CARMIL2: variants seen among roughly 807,000 people sequenced by gnomAD.
The protein encoded by CARMIL2 is capping protein, Arp2/3 and myosin-I linker protein 2.
In CARMIL2, 96 loss-of-function variants were observed where a neutral mutation model predicts 173.3. The ratio of observed to expected loss-of-function variants is 0.55; its 90% CI spans 0.47 to 0.66. The LOEUF is 0.66. Among genes scored for constraint, CARMIL2 ranks in the 30% least tolerant of loss-of-function variants. The pLI is 0.00. For missense variants in CARMIL2, 1,771 were observed against 1,906.7 expected (o/e 0.93, Z 1.33); for synonymous variants, 830 against 817.1 (o/e 1.02, Z -0.27).
chr16:67,655,893 G>A (rs892373979), intron 32 of CARMIL2, 138 bp from the exon 33 acceptor site: 30 of 854,528 alleles, frequency 3.5e-5, no homozygotes, highest in Non-Finnish European at 5.5e-5. Flanking sequence ...AGTTCTAAGA[G>A]GGCTGTACTG....
rs2052649511 is a variant in CARMIL2, at chr16:67,648,658, G to T, written c.1440-27G>T. The T allele has an allele frequency of 1.9e-6, 3 of 1,587,384 alleles. No individual in the cohort carries two copies. Among genetic ancestry groups the T allele is most frequent in the Non-Finnish European group, 2.6e-6 (3 of 1,167,604 alleles). On this transcript the variant is annotated intron_variant, in intron 15 of 37. Coordinates refer to ENST00000334583, the MANE Select transcript of CARMIL2 (RefSeq NM_001013838.3). This position sits in a 1 kb window ranked among gnomAD's most constrained non-coding sequence, Gnocchi z 6.1. ...CCTGGAGCCCCCTGTCCCAGCTCCC[G>T]CCACCCCGTGTAACGTCCTCTCCCA... is the stretch of plus-strand genomic sequence containing the variant.
In CARMIL2 at chr16:67,657,413, C is replaced by T. The variant is rs1314251309; in HGVS notation, c.4203C>T (p.Gly1401=). Residue 1401 remains glycine (G), a synonymous_variant, in exon 38 of 38, where the codon GGC becomes GGT. Transcript: ENST00000334583. This position sits in a 1 kb window ranked among gnomAD's most constrained non-coding sequence, Gnocchi z 4.5. ...EAPPSPSLGS[G]LGTEPLPPQP... ...CCCTCCCTCCCCTCACAGGATCTGG[C>T]CTTGGAACCGAGCCTCTGCCCCCAC... 1 of 1,605,970 alleles carries T rather than the reference C, an allele frequency of 6.2e-7. No individual in the cohort carries two copies. The highest frequency in any genetic ancestry group is 8.5e-7 in the Non-Finnish European group (1 of 1,176,552).
intron 22 of CARMIL2, chr16:67,650,445 T>C: frequency 4.2e-6 from 2 of 476,576 alleles, no homozygotes; most frequent in Non-Finnish European, 3.8e-6. Flanking sequence ...TGTCCTCACA[T>C]ATACGTGACT....
Position 67,657,215 on chromosome 16 carries a change from C to T in CARMIL2, c.4118-24C>T. 6.2e-7 allele frequency: 1 copy of T among 1,610,438 alleles called. No individual in the cohort carries two copies. Among genetic ancestry groups the T allele is most frequent in the Non-Finnish European group, 8.5e-7 (1 of 1,177,816 alleles). ...CAGACCCCAAGCCTTAGCAACCCAC[C>T]CCAAGCCTTTCTGTGTCCCTTAGAA... On this transcript the variant is annotated intron_variant, in intron 36 of 37. Transcript: ENST00000334583. The surrounding 1 kb of genome is among the most constrained non-coding windows in gnomAD (Gnocchi z 4.5).
In CARMIL2 at chr16:67,646,672, GTC is replaced by G. The variant is rs748879909; in HGVS notation, c.467-35_467-34del. ...GGTCTTCCTCCATCGCTGATGTTTT[GTC>G]TCTCTCCTTTTCCACATCGCACCCC... On this transcript the variant is annotated intron_variant, in intron 6 of 37. Coordinates refer to ENST00000334583, the MANE Select transcript of CARMIL2 (RefSeq NM_001013838.3). This position sits in a 1 kb window ranked among gnomAD's most constrained non-coding sequence, Gnocchi z 4.6. 3.7e-6 allele frequency: 6 copies of G among 1,604,468 alleles called. No individual in the cohort carries two copies. The highest frequency in any genetic ancestry group is 1.1e-5 in the South Asian group (1 of 90,906).
In CARMIL2 at chr16:67,653,129, C is replaced by T. The variant is rs1340545344; in HGVS notation, c.2995C>T (p.Pro999Ser). 1.1e-5 allele frequency: 12 copies of T among 1,118,548 alleles called. No individual in the cohort carries two copies. Among genetic ancestry groups the T allele is most frequent in the Non-Finnish European group, 1.3e-5 (12 of 914,532 alleles). 69.3% of individuals were successfully genotyped at this position (1,118,548 alleles called of 1,614,324 possible). ...RGSPSPAAPG[P>S]PAGPLPRMDL... ...CTCTCCGAGCCCTGCCGCCCCTGGG[C>T]CCCCGGCCGGCCCGCTGCCCCGCAT... Residue 999 changes from proline to serine, a missense_variant, in exon 29 of 38, where the codon CCC (proline) becomes TCC (serine). Physicochemically the swap from Pro to Ser is moderately conservative, Grantham distance 74. Around this residue, in one of 3 missense-constraint regions of CARMIL2, gnomAD observed 817 missense variants for 903.5 expected, o/e 0.90. Coordinates refer to ENST00000334583, the MANE Select transcript of CARMIL2 (RefSeq NM_001013838.3). This position sits in a 1 kb window ranked among gnomAD's most constrained non-coding sequence, Gnocchi z 7.4.
In CARMIL2 at chr16:67,648,584, C is replaced by T; in HGVS notation, c.1439+82C>T. 7.1e-7 allele frequency: 1 copy of T among 1,414,770 alleles called. No individual in the cohort carries two copies. The highest frequency in any genetic ancestry group is 1.4e-5 in the African/African-American group (1 of 69,342). 87.6% of individuals were successfully genotyped at this position (1,414,770 alleles called of 1,614,324 possible). On this transcript the variant is annotated intron_variant, in intron 15 of 37. Transcript: ENST00000334583. This position sits in a 1 kb window ranked among gnomAD's most constrained non-coding sequence, Gnocchi z 6.1. Reference sequence around the variant, plus strand: ...CGCCCCTCCCCGCTCCTGCTTCTGTCGCTCCCACAACCTCCCCCAGATCCT... The same window carrying T: ...CGCCCCTCCCCGCTCCTGCTTCTGTTGCTCCCACAACCTCCCCCAGATCCT...
Position 67,648,872 on chromosome 16 carries a change from C to T in CARMIL2, c.1510-21C>T. 6.3e-7 allele frequency: 1 copy of T among 1,595,078 alleles called. No individual in the cohort carries two copies. Among genetic ancestry groups the T allele is most frequent in the Non-Finnish European group, 8.5e-7 (1 of 1,171,456 alleles). Reference sequence around the variant, plus strand: ...CGGCCTAAGTGGGTCCCACTTCCCACCTCCCACCTCCCACATACAGCTGCG... The same window carrying T: ...CGGCCTAAGTGGGTCCCACTTCCCATCTCCCACCTCCCACATACAGCTGCG... On this transcript the variant is annotated intron_variant, in intron 16 of 37. Transcript: ENST00000334583. This position sits in a 1 kb window ranked among gnomAD's most constrained non-coding sequence, Gnocchi z 6.1.
At position 67,656,442 on chromosome 16, in the gene CARMIL2, G is replaced by C; in HGVS notation, c.3833G>C (p.Gly1278Ala). The C allele has an allele frequency of 6.2e-7, 1 of 1,609,436 alleles. No homozygotes were observed. Among genetic ancestry groups the C allele is most frequent in the South Asian group, 1.1e-5 (1 of 90,710 alleles). ...CCTACAGACCCTTCCTGCAGACCTG[G>C]CCCAGGGAGCCAGGGGCCTGAGTCT... ...SVSADPSCRP[G>A]PGSQGPESAT... Residue 1278 changes from glycine to alanine, a missense_variant, in exon 35 of 38, where the codon GGC becomes GCC. This residue lies in a region of CARMIL2 where 817 missense variants were observed against 903.5 expected (regional missense o/e 0.90). Transcript: ENST00000334583.
intron 3 of CARMIL2, 78 bp from the exon 4 acceptor site, chr16:67,645,940 C>T: frequency 6.3e-7 from 1 of 1,593,856 alleles, no homozygotes; most frequent in Non-Finnish European, 8.6e-7. Flanking sequence ...CTGGCTCTGC[C>T]CCAGGCTGCC....
At position 67,647,392 on chromosome 16, in the gene CARMIL2, G is replaced by A; in HGVS notation, c.776+5G>A. 1.3e-6 allele frequency: 2 copies of A among 1,572,916 alleles called. No homozygotes were observed. The highest frequency in any genetic ancestry group is 1.7e-6 in the Non-Finnish European group (2 of 1,159,072). On this transcript the variant is annotated splice_donor_5th_base_variant and intron_variant, in intron 10 of 37. Coordinates refer to ENST00000334583, the MANE Select transcript of CARMIL2 (RefSeq NM_001013838.3). Reference sequence around the variant, plus strand: ...GGAGACCTGCAGCCTGAGGGGGTGAGGGGGACAGGGCAGGGCTTGGAGAGG... The same window carrying A: ...GGAGACCTGCAGCCTGAGGGGGTGAAGGGGACAGGGCAGGGCTTGGAGAGG...
At position 67,656,621 on chromosome 16, in the gene CARMIL2, C is replaced by T. The variant is rs1366298501; in HGVS notation, c.4012C>T (p.Pro1338Ser). Residue 1338 changes from proline (P) to serine (S), a missense_variant, in exon 35 of 38, where the codon CCT becomes TCT. Around this residue, in one of 3 missense-constraint regions of CARMIL2, gnomAD observed 817 missense variants for 903.5 expected, o/e 0.90. Transcript: ENST00000334583. The part of the protein sequence containing the change: ...SPDSLGLPED[P>S]CLGPRNEDGQ... ...AGACAGCCTGGGCCTCCCAGAGGAC[C>T]CTTGCTTGGGCCCCAGAAATGAAGG... The T allele has an allele frequency of 6.3e-7, 1 of 1,598,016 alleles. No homozygotes were observed. Among genetic ancestry groups the T allele is most frequent in the Middle Eastern group, 1.7e-4 (1 of 5,996 alleles).
rs1427222926 is a variant in CARMIL2 at position 67,648,730 on chromosome 16, G to T, written c.1485G>T (p.Leu495=). ...GLALNTHLRD[L]HLDLSACELR... Reference sequence around the variant, plus strand: ...CGCTCAACACGCACCTCCGCGACCTGCACCTGGACCTCAGCGCTTGCGAGG... The same window carrying T: ...CGCTCAACACGCACCTCCGCGACCTTCACCTGGACCTCAGCGCTTGCGAGG... Residue 495 remains leucine, a synonymous_variant, in exon 16 of 38, where the codon CTG becomes CTT. Transcript: ENST00000334583. This position sits in a 1 kb window ranked among gnomAD's most constrained non-coding sequence, Gnocchi z 6.1. The T allele has an allele frequency of 1.2e-6, 2 of 1,607,698 alleles. No homozygotes were observed. The highest frequency in any genetic ancestry group is 1.3e-5 in the African/African-American group (1 of 74,860).
In CARMIL2 at chr16:67,654,709, G is replaced by T. The variant is rs763012048; in HGVS notation, c.3582+17G>T. On this transcript the variant is annotated intron_variant, in intron 31 of 37. Coordinates refer to ENST00000334583, the MANE Select transcript of CARMIL2 (RefSeq NM_001013838.3). ...CCCGACAAGGTGAGGCTTGCTGATG[G>T]GGGGTGGTGAAGGCGCTTCTGGGAC... is the stretch of plus-strand genomic sequence containing the variant. 3.6e-5 allele frequency: 57 copies of T among 1,601,136 alleles called. No individual in the cohort carries two copies. In the South Asian group the frequency reaches 4.9e-4, roughly 14 times the overall value.
At position 67,651,606 on chromosome 16, in the gene CARMIL2, T is replaced by G; in HGVS notation, c.2428-79T>G. On this transcript the variant is annotated intron_variant, in intron 24 of 37. Coordinates refer to ENST00000334583, the MANE Select transcript of CARMIL2 (RefSeq NM_001013838.3). The surrounding 1 kb of genome is among the most constrained non-coding windows in gnomAD (Gnocchi z 4.2). Reference sequence around the variant, plus strand: ...ACTGTGATATCCCCTGACTCAATATTCTGTTGGAGTTGGAGCCTCAAGCCA... The same window carrying G: ...ACTGTGATATCCCCTGACTCAATATGCTGTTGGAGTTGGAGCCTCAAGCCA... The G allele has an allele frequency of 6.4e-7, 1 of 1,570,788 alleles. No homozygotes were observed. The highest frequency in any genetic ancestry group is 1.2e-5 in the South Asian group (1 of 86,190).
chr16:67,648,463 T>A lies in CARMIL2; in HGVS notation c.1400T>A (p.Leu467Gln). 6.9e-6 allele frequency: 10 copies of A among 1,445,160 alleles called. No homozygotes were observed. Among genetic ancestry groups the A allele is most frequent in the Non-Finnish European group, 9.0e-6 (10 of 1,108,414 alleles). 89.5% of individuals were successfully genotyped at this position (1,445,160 alleles called of 1,614,324 possible). The change falls in exon 15 of 38, where the codon CTG (leucine) becomes CAG (glutamine). Residue 467 changes from leucine (L) to glutamine (Q), a missense_variant. Around this residue, in one of 3 missense-constraint regions of CARMIL2, gnomAD observed 944 missense variants for 975.6 expected, o/e 0.97. Coordinates refer to ENST00000334583, the MANE Select transcript of CARMIL2 (RefSeq NM_001013838.3). This position sits in a 1 kb window ranked among gnomAD's most constrained non-coding sequence, Gnocchi z 6.1. ...AGCCGCGCGCGGACGCTGCGGCACCTGGGCCTGGCGGGCTGCAAGCTGCCG... is the reference window on the plus strand; with the variant it reads ...AGCCGCGCGCGGACGCTGCGGCACCAGGGCCTGGCGGGCTGCAAGCTGCCG... ...FLSRARTLRH[L>Q]GLAGCKLPPD...
rs199513999 is a variant in CARMIL2, at chr16:67,645,624, A to G, written c.125A>G (p.His42Arg). Residue 42 changes from histidine to arginine, a missense_variant, in exon 2 of 38, where the codon CAT (histidine) becomes CGT (arginine). His to Arg is a conservative substitution (Grantham distance 29). Transcript: ENST00000334583. The stretch of plus-strand genomic sequence containing the variant: ...CCCGGGGAGGGTGCTGTGCAAAACC[A>G]TGTCCTGGTATGGGGCAGGGGACAG... ...WLPGEGAVQN[H>R]VLALLRWRAY... The G allele has an allele frequency of 9.5e-5, 153 of 1,613,462 alleles. No individual in the cohort carries two copies. Among genetic ancestry groups the G allele is most frequent in the Non-Finnish European group, 1.2e-4 (145 of 1,179,830 alleles).
intron 21 of CARMIL2, 38 bp downstream of exon 21, chr16:67,650,006 G>C: frequency 6.2e-7 from 1 of 1,613,522 alleles, no homozygotes; most frequent in South Asian, 1.1e-5. Flanking sequence ...TCTCTGCACG[G>C]TAACTCCGTC....
At position 67,645,557 on chromosome 16, in the gene CARMIL2, CT is replaced by C; in HGVS notation, c.59del (p.Leu20ArgfsTer10). 1 of 1,607,984 alleles carries C rather than the reference CT, an allele frequency of 6.2e-7. No homozygotes were observed. The highest frequency in any genetic ancestry group is 8.5e-7 in the Non-Finnish European group (1 of 1,177,364). ...TTCCACAGGCGAGATCACCAGGTTC[CT>C]GTGGCCCAAAGAGGTGGAGCTGCTG... ...CELRGEITRF[L>X]WPKEVELLLK... On this transcript the variant is annotated frameshift_variant, in exon 2 of 38. Transcript: ENST00000334583. LOFTEE classifies it high-confidence loss of function.
Sources: allele counts gnomAD v4.1 joint callset, GRCh38; gene constraint gnomAD v4.1.1; regional missense constraint gnomAD v4.1.1; non-coding constraint Gnocchi (gnomAD v3.1); transcripts MANE v1.5; gene names NCBI Gene and HGNC (gene_info 2026-07-23, HGNC 2026-07-21).